The following MAK16 variants were observed in gnomAD, a reference collection of about 807,000 sequenced individuals.
MAK16 encodes protein MAK16 homolog.
MAK16 carries 12 observed loss-of-function variants against 49.9 expected under a neutral mutation model. The ratio of observed to expected loss-of-function variants is 0.24; its 90% CI spans 0.15 to 0.39. MAK16 has a LOEUF of 0.39. MAK16 is among the 10% of genes least tolerant of loss of function. MAK16 has a pLI of 1.00. For synonymous variants in MAK16, 115 were observed against 126.4 expected (o/e 0.91, Z 0.60); for missense variants, 292 against 363.7 (o/e 0.80, Z 1.60).
In MAK16 at chr8:33,500,131, G is replaced by C; in HGVS notation, c.*1502G>C. The C allele has an allele frequency of 1.7e-6, 1 of 583,416 alleles. No homozygotes were observed. Among genetic ancestry groups the C allele is most frequent in the Non-Finnish European group, 3.0e-6 (1 of 336,302 alleles). 36.1% of individuals were successfully genotyped at this position (583,416 alleles called of 1,614,324 possible). A position where few individuals can be genotyped will look rare whatever the true frequency, so the allele number is the denominator to read the frequency against. On this transcript the variant is annotated 3_prime_UTR_variant, in exon 10 of 10. Coordinates refer to ENST00000360128, the MANE Select transcript of MAK16 (RefSeq NM_032509.4). ...GATCCTCCTGCCTTTAGTTCTAAAT[G>C]GTTCTGAATAGCTTTAAAAGATGAA...
Position 33,489,260 on chromosome 8 carries a change from C to A in MAK16, c.392+121C>A, listed in dbSNP as rs1480443080. ...ACTTTGTGGAGTCTGTTATGATGTA[C>A]TAAAGAGAAACTTTAGCTTTGACTA... On this transcript the variant is annotated intron_variant, in intron 5 of 9. Coordinates refer to ENST00000360128, the MANE Select transcript of MAK16 (RefSeq NM_032509.4). The surrounding 1 kb of genome is among the most constrained non-coding windows in gnomAD (Gnocchi z 4.2). The A allele has an allele frequency of 1.2e-6, 1 of 843,934 alleles. No homozygotes were observed. The highest frequency in any genetic ancestry group is 1.8e-6 in the Non-Finnish European group (1 of 551,312). The allele number at this position is 843,934 out of a possible 1,614,324, so 52.3% of individuals were successfully genotyped here.
Position 33,499,062 on chromosome 8 carries a change from G to A in MAK16, c.*433G>A. 1 of 899,040 alleles carries A rather than the reference G, an allele frequency of 1.1e-6. No individual in the cohort carries two copies. The highest frequency in any genetic ancestry group is 1.4e-5 in the South Asian group (1 of 69,472). The allele number at this position is 899,040 out of a possible 1,614,324, so 55.7% of individuals were successfully genotyped here. A position where few individuals can be genotyped will look rare whatever the true frequency, so the allele number is the denominator to read the frequency against. On this transcript the variant is annotated 3_prime_UTR_variant, in exon 10 of 10. Transcript: ENST00000360128. ...AAGGAAAGGAAGGAAGGAAAAAGCA[G>A]CTTTCACTTACAAAGTTTCGTGTAA... is the stretch of plus-strand genomic sequence containing the variant.
chr8:33,492,487 T>C (rs537666449), intron 6 of MAK16, among the ~76,000 whole-genome samples: 5 of 152,350 alleles, frequency 3.3e-5, no homozygotes, highest in African/African-American at 1.2e-4. Context: ...TGCCCAGATC[T>C]ATGACCTGGA....
In MAK16 at chr8:33,498,619, A is replaced by AAACCAC; in HGVS notation, c.894_899dup (p.Thr299_Thr300dup). On this transcript the variant is annotated inframe_insertion, in exon 10 of 10. Transcript: ENST00000360128. The stretch of plus-strand genomic sequence containing the variant: ...GAGACAGAGCCCGTGGCCAAAGCCA[A>AAACCAC]AACCACGTGATTTCCCTTTCAGCAT... The AAACCAC allele has an allele frequency of 6.2e-7, 1 of 1,613,814 alleles. No individual in the cohort carries two copies. The highest frequency in any genetic ancestry group is 8.5e-7 in the Non-Finnish European group (1 of 1,180,002).
At chr8:33,496,100 T>C (rs1269841938) in intron 7 of MAK16, among the ~76,000 whole-genome samples, 1 of 152,194 alleles carries the variant, frequency 6.6e-6, no homozygotes, top group Non-Finnish European at 1.5e-5. Context: ...TTACCCTTGA[T>C]ACTCCATTCA....
intron 6 of MAK16, among the ~76,000 whole-genome samples, chr8:33,491,179 C>T (rs1274865071): frequency 6.6e-6 from 1 of 152,190 alleles, no homozygotes; most frequent in African/African-American, 2.4e-5. Flanking sequence ...TTTATCCATT[C>T]ATCTATTGAT....
chr8:33,496,900 C>T (rs1369699100), intron 8 of MAK16, among the ~76,000 whole-genome samples, 159 bp downstream of exon 8: 10 of 152,290 alleles, frequency 6.6e-5, no homozygotes, highest in Non-Finnish European at 2.9e-5. Context: ...GTTCTTCAGG[C>T]TAACCAACAA....
rs1412527763 is a variant in MAK16 at position 33,499,923 on chromosome 8, C to T, written c.*1294C>T. On this transcript the variant is annotated 3_prime_UTR_variant, in exon 10 of 10. Transcript: ENST00000360128. ...AAACATCTACCTAAAAGATGGTTGT[C>T]CCTAAAAAACTGGAAACATCTGAAA... 6.3e-6 allele frequency: 1 copy of T among 157,724 alleles called. No homozygotes were observed. The highest frequency in any genetic ancestry group is 2.4e-5 in the African/African-American group (1 of 41,378). 9.8% of individuals were successfully genotyped at this position (157,724 alleles called of 1,614,324 possible). A position where few individuals can be genotyped will look rare whatever the true frequency, so the allele number is the denominator to read the frequency against.
chr8:33,499,225 T>C lies in MAK16; in HGVS notation c.*596T>C, dbSNP rs147476381. ...AGAAACCTGCTGCACTTTTCTGATA[T>C]AGTTCACCACTTTTCTGTCTTCACA... On this transcript the variant is annotated 3_prime_UTR_variant, in exon 10 of 10. Transcript: ENST00000360128. 9 of 1,614,040 alleles carry C rather than the reference T, an allele frequency of 5.6e-6. No individual in the cohort carries two copies. Among genetic ancestry groups the C allele is most frequent in the East Asian group, 2.2e-5 (1 of 44,882 alleles).
At chr8:33,491,387 A>T (rs558005861) in intron 6 of MAK16, among the ~76,000 whole-genome samples, 1 of 152,266 alleles carries the variant, frequency 6.6e-6, no homozygotes, top group Non-Finnish European at 1.5e-5. Context: ...ACTAATTTAC[A>T]TTCCCACCAC....
chr8:33,487,172 T>A (rs1808701311), intron 1 of MAK16, among the ~76,000 whole-genome samples: 1 of 152,192 alleles, frequency 6.6e-6, no homozygotes, highest in Non-Finnish European at 1.5e-5. Context: ...TATTTTGTGA[T>A]ACTTTGTTTA....
At chr8:33,487,165 T>G (rs907943892) in intron 1 of MAK16, among the ~76,000 whole-genome samples, 1 of 152,200 alleles carries the variant, frequency 6.6e-6, no homozygotes, top group African/African-American at 2.4e-5. Flanking sequence ...GACCTGCTAT[T>G]TTGTGATACT....
rs922665387 is a variant in MAK16, at chr8:33,490,177, G to A, written c.393-108G>A. 3.6e-5 allele frequency: 31 copies of A among 849,512 alleles called. No individual in the cohort carries two copies. The African/African-American group carries it at 4.7e-4, about 13-fold the overall frequency. The allele number at this position is 849,512 out of a possible 1,614,324, so 52.6% of individuals were successfully genotyped here. On this transcript the variant is annotated intron_variant, in intron 5 of 9. Coordinates refer to ENST00000360128, the MANE Select transcript of MAK16 (RefSeq NM_032509.4). ...AGCTCAGCCATCCTGCCCTGCACAT[G>A]AGTAGACTTCCATTTTAGTCACCAA...
Position 33,495,548 on chromosome 8 carries a change from G to A in MAK16, c.454G>A (p.Ala152Thr). 6.2e-7 allele frequency: 1 copy of A among 1,613,438 alleles called. No individual in the cohort carries two copies. Among genetic ancestry groups the A allele is most frequent in the Non-Finnish European group, 8.5e-7 (1 of 1,179,756 alleles). ...ERREKRREEK[A>T]LIAAQLDNAI... Reference sequence around the variant, plus strand: ...TGCTCTTTCCCCCTTATAGGAAAAGGCATTAATAGCTGCTCAGCTGGACAA... The same window carrying A: ...TGCTCTTTCCCCCTTATAGGAAAAGACATTAATAGCTGCTCAGCTGGACAA... The change falls in exon 7 of 10, where the codon GCA becomes ACA. Residue 152 changes from alanine to threonine, a missense_variant. Ala to Thr is a moderately conservative substitution (Grantham distance 58, BLOSUM62 0). Coordinates refer to ENST00000360128, the MANE Select transcript of MAK16 (RefSeq NM_032509.4).
In MAK16 at chr8:33,498,826, A is replaced by C. The variant is rs1167189011; in HGVS notation, c.*197A>C. On this transcript the variant is annotated 3_prime_UTR_variant, in exon 10 of 10. Coordinates refer to ENST00000360128, the MANE Select transcript of MAK16 (RefSeq NM_032509.4). ...TGAAGAAAGCTAAGTTGTGAACAAGAGTGTTTTTATAGCATATGTGTTGAA... is the reference window on the plus strand; with the variant it reads ...TGAAGAAAGCTAAGTTGTGAACAAGCGTGTTTTTATAGCATATGTGTTGAA... 11 of 617,902 alleles carry C rather than the reference A, an allele frequency of 1.8e-5. No homozygotes were observed. The highest frequency in any genetic ancestry group is 9.2e-5 in the Admixed American group (3 of 32,782). The allele number at this position is 617,902 out of a possible 1,614,324, so 38.3% of individuals were successfully genotyped here.
In MAK16 at chr8:33,498,969, A is replaced by G; in HGVS notation, c.*340A>G. 1 of 596,798 alleles carries G rather than the reference A, an allele frequency of 1.7e-6. No homozygotes were observed. The highest frequency in any genetic ancestry group is 2.9e-6 in the Non-Finnish European group (1 of 340,004). 37.0% of individuals were successfully genotyped at this position (596,798 alleles called of 1,614,324 possible). ...TTACTTGGTGTCCTTTTTTCTCCCA[A>G]ACTTTATTTAGAAATGGAAGGAGTT... is the stretch of plus-strand genomic sequence containing the variant. On this transcript the variant is annotated 3_prime_UTR_variant, in exon 10 of 10. Coordinates refer to ENST00000360128, the MANE Select transcript of MAK16 (RefSeq NM_032509.4).
chr8:33,492,309 C>T (rs539400111), intron 6 of MAK16, among the ~76,000 whole-genome samples: 14 of 152,264 alleles, frequency 9.2e-5, no homozygotes, highest in African/African-American at 3.4e-4. Context: ...ACCGCGCTGG[C>T]CTGTATTCTG....
At position 33,497,226 on chromosome 8, in the gene MAK16, T is replaced by A. The variant is rs777450946; in HGVS notation, c.640-6T>A. 1.2e-6 allele frequency: 2 copies of A among 1,603,134 alleles called. No individual in the cohort carries two copies. Among genetic ancestry groups the A allele is most frequent in the South Asian group, 2.2e-5 (2 of 90,808 alleles). On this transcript the variant is annotated splice_polypyrimidine_tract_variant and splice_region_variant and intron_variant, in intron 8 of 9. Transcript: ENST00000360128. ...TCTGAACCTAACAGTTATGTTTTAT[T>A]TATAGGATGTGGGGAAAAGAGAATT...
At chr8:33,496,795 G>C (rs1585317246) in intron 8 of MAK16, 54 bp downstream of exon 8, 1 of 1,283,878 alleles carries the variant, frequency 7.8e-7, no homozygotes, top group South Asian at 1.3e-5. Context: ...GTATAAAACT[G>C]AGAAACAGAA....
Sources: gnomAD v4.1 joint callset for allele counts (sites outside exome capture counted in the v4.1 genomes callset) on GRCh38, gnomAD v4.1.1 for gene constraint, Gnocchi (gnomAD v3.1) non-coding constraint, MANE v1.5 for transcripts, NCBI Gene and HGNC (gene_info 2026-07-23, HGNC 2026-07-21) for gene names.